TMEM178B: variants seen among roughly 807,000 people sequenced by gnomAD.
The protein encoded by TMEM178B is transmembrane protein 178B.
A neutral mutation model predicts 31.0 loss-of-function variants in TMEM178B; 5 were observed. The ratio of observed to expected loss-of-function variants is 0.16; its 90% CI spans 0.08 to 0.34. TMEM178B has a LOEUF of 0.34. Ranked by LOEUF, TMEM178B falls within the 10% of genes least tolerant of loss-of-function variation. TMEM178B has a pLI of 1.00. For missense variants in TMEM178B, 275 were observed against 400.3 expected, an observed-to-expected ratio of 0.69 and a Z score of 2.67; for synonymous variants, 164 against 164.0, an observed-to-expected ratio of 1.00 and a Z score of 0.00.
chr7:141,212,502 C>T, intron 1 of TMEM178B, 89 bp from the exon 2 acceptor site: 1 of 1,119,786 alleles, frequency 8.9e-7, no homozygotes. Flanking sequence ...AAGAAGTCTT[C>T]TTCTCCAGGA....
intron 3 of TMEM178B, among the ~76,000 whole-genome samples, chr7:141,439,951 T>C (rs1277832152): frequency 6.6e-6 from 1 of 152,226 alleles, no homozygotes; most frequent in Non-Finnish European, 1.5e-5. Flanking sequence ...GAGAAAGAGA[T>C]TGTGTAATTC....
rs1563193327 is a variant in TMEM178B, at chr7:141,477,191, ACTCATT to A, written c.*6411_*6416del. 6.5e-6 allele frequency: 1 copy of A among 154,684 alleles called. No homozygotes were observed. The highest frequency in any genetic ancestry group is 2.4e-5 in the African/African-American group (1 of 41,472). The allele number at this position is 154,684 out of a possible 1,614,324, so 9.6% of individuals were successfully genotyped here. On this transcript the variant is annotated 3_prime_UTR_variant, in exon 4 of 4. Coordinates refer to ENST00000565468, the MANE Select transcript of TMEM178B (RefSeq NM_001195278.2). ...CCTTTCCTGTGAAGAGCTTTCATGA[ACTCATT>A]CTCATACTCCTTCCCCATTTCCACC...
chr7:141,103,529 T>G (rs1012093680), intron 1 of TMEM178B, among the ~76,000 whole-genome samples: 2 of 152,230 alleles, frequency 1.3e-5, no homozygotes, highest in Admixed American at 6.5e-5. Flanking sequence ...ATGAGTTTTT[T>G]GAGGGCTCTA....
At chr7:141,347,171 A>G (rs1221688710) in intron 2 of TMEM178B, among the ~76,000 whole-genome samples, 2 of 152,180 alleles carry the variant, frequency 1.3e-5, no homozygotes, top group Non-Finnish European at 2.9e-5. Context: ...TTCATAAATT[A>G]TCCAGTCTCA....
chr7:141,256,188 T>TAGAC (rs1797925076), intron 2 of TMEM178B, among the ~76,000 whole-genome samples: 1 of 152,170 alleles, frequency 6.6e-6, no homozygotes. Context: ...GTAAACAAAA[T>TAGAC]AGACGTTCTT....
Position 141,386,661 on chromosome 7 carries a change from T to C in TMEM178B, c.497-50947T>C, listed in dbSNP as rs965367863. Among the ~76,000 whole-genome samples, 85 of 152,094 alleles carry C rather than the reference T, an allele frequency of 5.6e-4. 1 individual carries two copies. Among genetic ancestry groups the C allele is most frequent in the African/African-American group, 1.9e-3 (80 of 41,354 alleles). On this transcript the variant is annotated intron_variant, in intron 2 of 3. Coordinates refer to ENST00000565468, the MANE Select transcript of TMEM178B (RefSeq NM_001195278.2). ...ATTCTAGGGGGATGTCATGAGTACT[T>C]TGAAACTATTACAAAAGCTGTGGAT...
intron 2 of TMEM178B, among the ~76,000 whole-genome samples, chr7:141,412,841 G>A (rs1171210385): frequency 6.6e-6 from 1 of 152,146 alleles, no homozygotes; most frequent in African/African-American, 2.4e-5. Context: ...GGGGGAAACT[G>A]AAGCATAGAG....
chr7:141,138,229 T>C (rs1289276546), intron 1 of TMEM178B, among the ~76,000 whole-genome samples: 3 of 151,948 alleles, frequency 2.0e-5, no homozygotes, highest in Admixed American at 1.3e-4. Flanking sequence ...GCCTGGCTAA[T>C]TTTTTGTATT....
chr7:141,507,253 C>A, the TMEM178B span, among the ~76,000 whole-genome samples: 4 of 152,238 alleles, frequency 2.6e-5, no homozygotes, highest in Non-Finnish European at 5.9e-5. Flanking sequence ...GCTCCAACCC[C>A]GCGTTTCCCT....
chr7:141,377,693 AAAAG>A (rs1458876086), intron 2 of TMEM178B, among the ~76,000 whole-genome samples: 1 of 152,274 alleles, frequency 6.6e-6, no homozygotes, highest in African/African-American at 2.4e-5. Flanking sequence ...AAAAGGGAAA[AAAAG>A]AAAGAAATCA....
intron 1 of TMEM178B, among the ~76,000 whole-genome samples, chr7:141,129,846 T>A (rs1795565418): frequency 6.6e-6 from 1 of 151,856 alleles, no homozygotes; most frequent in Non-Finnish European, 1.5e-5. Flanking sequence ...ATTCAAAGGG[T>A]GAGGGGCGGG....
chr7:141,147,350 G>A (rs1795870232), intron 1 of TMEM178B, among the ~76,000 whole-genome samples: 2 of 152,002 alleles, frequency 1.3e-5, no homozygotes, highest in African/African-American at 4.8e-5. Context: ...AGGCTGGGTG[G>A]TAGGGGTGGG....
chr7:141,378,398 C>T (rs539933983), intron 2 of TMEM178B, among the ~76,000 whole-genome samples: 2 of 152,326 alleles, frequency 1.3e-5, no homozygotes, highest in South Asian at 4.1e-4. Context: ...AAATGAGTCA[C>T]TGAGTTCAGC....
At chr7:141,136,648 A>G (rs1452850901) in intron 1 of TMEM178B, among the ~76,000 whole-genome samples, 2 of 152,194 alleles carry the variant, frequency 1.3e-5, no homozygotes, top group Admixed American at 1.3e-4. Flanking sequence ...TATCCAGAAT[A>G]TATAAGGAAC....
At chr7:141,329,176 A>G (rs558107038) in intron 2 of TMEM178B, among the ~76,000 whole-genome samples, 2 of 152,288 alleles carry the variant, frequency 1.3e-5, no homozygotes, top group South Asian at 4.1e-4. Flanking sequence ...GTCCAACCTG[A>G]GATATCTGGC....
rs567022289 is a variant in TMEM178B, at chr7:141,155,407, A to G, written c.383-57184A>G. ...GCTCTTCTTAATTTTAGGGCAGGCCATGACTCCCTGATGGGGGCATAGCAC... is the reference window on the plus strand; with the variant it reads ...GCTCTTCTTAATTTTAGGGCAGGCCGTGACTCCCTGATGGGGGCATAGCAC... On this transcript the variant is annotated intron_variant, in intron 1 of 3. Transcript: ENST00000565468. 3.9e-5 allele frequency among the ~76,000 whole-genome samples: 6 copies of G among 152,230 alleles called. No homozygotes were observed. In the South Asian group the frequency reaches 1.0e-3, roughly 26 times the overall value.
intron 2 of TMEM178B, among the ~76,000 whole-genome samples, chr7:141,307,163 T>C (rs959092205): frequency 3.0e-5 from 3 of 98,512 alleles, no homozygotes; most frequent in African/African-American, 1.5e-4. Flanking sequence ...GGGATGTTGG[T>C]ACCATTTTTA....
intron 3 of TMEM178B, among the ~76,000 whole-genome samples, chr7:141,444,030 G>T (rs1235318988): frequency 6.6e-6 from 1 of 152,082 alleles, no homozygotes; most frequent in African/African-American, 2.4e-5. Context: ...TTTATTGTTT[G>T]CTTGTTGGAG....
chr7:141,233,658 G>C (rs2129192065), intron 2 of TMEM178B, among the ~76,000 whole-genome samples: 1 of 152,242 alleles, frequency 6.6e-6, no homozygotes, highest in East Asian at 1.9e-4. Context: ...CAGGGAGCTG[G>C]GTGTTTATAT....
Sources: allele counts gnomAD v4.1 joint callset (sites outside exome capture counted in the v4.1 genomes callset), GRCh38; gene constraint gnomAD v4.1.1; transcripts MANE v1.5; gene names NCBI Gene and HGNC (gene_info 2026-07-23, HGNC 2026-07-21).